ZRANB3: variants seen among roughly 807,000 people sequenced by gnomAD.
ZRANB3 encodes zinc finger RANBP2-type containing 3.
A neutral mutation model predicts 133.8 loss-of-function variants in ZRANB3; 125 were observed. The observed-to-expected ratio is 0.93, with a 90% CI of 0.81 to 1.08. ZRANB3 has a LOEUF of 1.08. Among genes scored for constraint, ZRANB3 ranks in the 50% least tolerant of loss-of-function variants. The probability of loss-of-function intolerance (pLI) is 0.00; values close to 1 mark genes in which losing one functional copy is unlikely to be tolerated. For synonymous variants in ZRANB3, 387 were observed against 432.7 expected, an observed-to-expected ratio of 0.89 and a Z score of 1.31; for missense variants, 1,229 against 1,275.5, an observed-to-expected ratio of 0.96 and a Z score of 0.56.
intron 3 of ZRANB3, among the ~76,000 whole-genome samples, chr2:135,369,936 T>C (rs1686095982): frequency 6.6e-6 from 1 of 152,048 alleles, no homozygotes. Context: ...TATTGTAAAC[T>C]TCACTTCCAA....
chr2:135,483,364 G>T (rs1334676695), intron 2 of ZRANB3, among the ~76,000 whole-genome samples: 1 of 152,154 alleles, frequency 6.6e-6, no homozygotes, highest in East Asian at 1.9e-4. Context: ...ATTTGTCGAG[G>T]AATTTATCCA....
chr2:135,510,177 A>C (rs1309986117), intron 1 of ZRANB3, among the ~76,000 whole-genome samples: 2 of 152,186 alleles, frequency 1.3e-5, no homozygotes, highest in East Asian at 3.8e-4. Context: ...ATTCCAATGA[A>C]TGAAACGTAC....
intron 12 of ZRANB3, among the ~76,000 whole-genome samples, chr2:135,243,907 A>G (rs1229419122): frequency 6.6e-6 from 1 of 150,606 alleles, no homozygotes; most frequent in East Asian, 1.9e-4. Flanking sequence ...AGCATGAGCC[A>G]CCATGCCCGG....
At chr2:135,508,945 G>C (rs2104827946) in intron 1 of ZRANB3, among the ~76,000 whole-genome samples, 1 of 151,638 alleles carries the variant, frequency 6.6e-6, no homozygotes, top group South Asian at 2.1e-4. Flanking sequence ...TCAGTTCAAA[G>C]GTTTAACTTA....
At position 135,427,720 on chromosome 2, in the gene ZRANB3, C is replaced by CA. The variant is rs570819474; in HGVS notation, c.162-36901dup. Among the ~76,000 whole-genome samples the CA allele has an allele frequency of 2.8e-3, 422 of 151,484 alleles. 4 individuals are homozygous for CA. Among genetic ancestry groups the CA allele is most frequent in the South Asian group, 8.4e-3 (40 of 4,784 alleles). On this transcript the variant is annotated intron_variant, in intron 2 of 20. Coordinates refer to ENST00000264159, the MANE Select transcript of ZRANB3 (RefSeq NM_032143.4). The stretch of plus-strand genomic sequence containing the variant: ...AGCTATTTTAAAATTCATATGGAAC[C>CA]AAAAAAAAGCTTGAATGCTCAAGGC...
chr2:135,213,119 T>C (rs1694169803), intron 17 of ZRANB3, among the ~76,000 whole-genome samples: 1 of 151,374 alleles, frequency 6.6e-6, no homozygotes, highest in Non-Finnish European at 1.5e-5. Flanking sequence ...TAACTATAGG[T>C]CTTTTTTCAG....
intron 19 of ZRANB3, 54 bp downstream of exon 19, chr2:135,207,380 T>C: frequency 6.6e-7 from 1 of 1,505,094 alleles, no homozygotes; most frequent in Admixed American, 2.2e-5. Context: ...AGAGAGTCAA[T>C]ATTCATTACT....
At chr2:135,330,190 T>C (rs1283221837) in intron 6 of ZRANB3, among the ~76,000 whole-genome samples, 1 of 152,218 alleles carries the variant, frequency 6.6e-6, no homozygotes, top group Non-Finnish European at 1.5e-5. Flanking sequence ...TGGCTGTGGA[T>C]TGATCATAAA....
intron 2 of ZRANB3, among the ~76,000 whole-genome samples, chr2:135,406,521 A>G (rs952570190): frequency 1.3e-5 from 2 of 152,232 alleles, no homozygotes; most frequent in African/African-American, 4.8e-5. Context: ...AAAACAAAAA[A>G]AGAGAATTTT....
At chr2:135,264,236 G>C (rs557599020) in intron 12 of ZRANB3, among the ~76,000 whole-genome samples, 1 of 151,678 alleles carries the variant, frequency 6.6e-6, no homozygotes, top group South Asian at 2.1e-4. Flanking sequence ...ACTTTGGAAG[G>C]CCGAGGTGGG....
At chr2:135,413,629 G>T (rs1032221110) in intron 2 of ZRANB3, among the ~76,000 whole-genome samples, 6 of 152,212 alleles carry the variant, frequency 3.9e-5, no homozygotes, top group Non-Finnish European at 7.4e-5. Flanking sequence ...GAGATCTAGG[G>T]TATTTATAAT....
rs1012788011 is a variant in ZRANB3, at chr2:135,244,435, G to C, written c.1540-13508C>G. ...AGCCTGGCCAACACGGTGAAACCCTGTCTCTACTGAAAATACAAAAAAATT... is the reference window on the plus strand; with the variant it reads ...AGCCTGGCCAACACGGTGAAACCCTCTCTCTACTGAAAATACAAAAAAATT... On this transcript the variant is annotated intron_variant, in intron 12 of 20. Transcript: ENST00000264159. Among the ~76,000 whole-genome samples, 8 of 152,032 alleles carry C rather than the reference G, an allele frequency of 5.3e-5. No individual in the cohort carries two copies. In the East Asian group the frequency reaches 1.5e-3, roughly 29 times the overall value.
chr2:135,516,527 G>A (rs1480738611), intron 1 of ZRANB3, among the ~76,000 whole-genome samples: 1 of 152,186 alleles, frequency 6.6e-6, no homozygotes, highest in Admixed American at 6.5e-5. Context: ...CACTTTTGAA[G>A]CTTAGTTTGG....
At chr2:135,442,311 A>C (rs1689816737) in intron 2 of ZRANB3, among the ~76,000 whole-genome samples, 1 of 152,240 alleles carries the variant, frequency 6.6e-6, no homozygotes, top group African/African-American at 2.4e-5. Context: ...AAAAGGGCTA[A>C]CATCCAGAAT....
intron 1 of ZRANB3, among the ~76,000 whole-genome samples, chr2:135,507,189 G>A (rs1304554731): frequency 6.6e-6 from 1 of 152,192 alleles, no homozygotes; most frequent in Non-Finnish European, 1.5e-5. Flanking sequence ...CTAGAGTGAT[G>A]GAGTTAGTGA....
intron 2 of ZRANB3, among the ~76,000 whole-genome samples, chr2:135,401,589 A>T (rs1387007710): frequency 6.6e-6 from 1 of 152,216 alleles, no homozygotes; most frequent in East Asian, 1.9e-4. Flanking sequence ...TAGTCAACAT[A>T]ACTAGGTGGT....
At chr2:135,524,184 T>A (rs759674757) in intron 1 of ZRANB3, among the ~76,000 whole-genome samples, 59 of 152,026 alleles carry the variant, frequency 3.9e-4, no homozygotes, top group African/African-American at 1.1e-3. Context: ...CCTCCCGGGT[T>A]CAAGCTCCTG....
rs1484755547 is a variant in ZRANB3, at chr2:135,355,135, A to G, written c.181-1507T>C. The stretch of plus-strand genomic sequence containing the variant: ...CTTTAAGCAAGTTTCCATTGAGAAA[A>G]CTTTATTATTTTGTTTATGTATTTT... On this transcript the variant is annotated intron_variant, in intron 3 of 20. Transcript: ENST00000264159. The G allele has an allele frequency of 1.6e-5, 12 of 740,298 alleles. No individual in the cohort carries two copies. In the African/African-American group the frequency reaches 2.3e-4, roughly 14 times the overall value. 45.9% of individuals were successfully genotyped at this position (740,298 alleles called of 1,614,324 possible). A position where few individuals can be genotyped will look rare whatever the true frequency, so the allele number is the denominator to read the frequency against.
intron 3 of ZRANB3, among the ~76,000 whole-genome samples, chr2:135,373,045 C>T (rs548991867): frequency 1.4e-5 from 2 of 147,256 alleles, no homozygotes; most frequent in Admixed American, 6.8e-5. Flanking sequence ...GCGACAAAAG[C>T]GAGACTCCAT....
Sources: allele counts gnomAD v4.1 joint callset (sites outside exome capture counted in the v4.1 genomes callset), GRCh38; gene constraint gnomAD v4.1.1; transcripts MANE v1.5; gene names NCBI Gene and HGNC (gene_info 2026-07-23, HGNC 2026-07-21).